Variants in CAMK4 observed in about 807,000 individuals in gnomAD.
CAMK4 encodes the protein calcium/calmodulin dependent protein kinase IV, also known as calcium/calmodulin-dependent protein kinase type IV.
Under a neutral mutation model 44.9 loss-of-function variants are expected in CAMK4, and 22 were observed. The ratio of observed to expected loss-of-function variants is 0.49; its 90% CI spans 0.35 to 0.70. The LOEUF (loss-of-function observed/expected upper bound fraction) is 0.70. Ranked by LOEUF, CAMK4 falls within the 30% of genes least tolerant of loss-of-function variation. The probability of loss-of-function intolerance (pLI) is 0.01; values close to 1 mark genes in which losing one functional copy is unlikely to be tolerated. For synonymous variants in CAMK4, 218 were observed against 215.4 expected (o/e 1.01, Z -0.11); for missense variants, 498 against 586.8 (o/e 0.85, Z 1.56).
At chr5:111,244,323 A>G (rs1337851083) in intron 1 of CAMK4, among the ~76,000 whole-genome samples, 1 of 152,206 alleles carries the variant, frequency 6.6e-6, no homozygotes. Context: ...AAAAATTATT[A>G]AACATTGCAG....
At chr5:111,407,895 G>T (rs1752495189) in intron 5 of CAMK4, among the ~76,000 whole-genome samples, 1 of 152,168 alleles carries the variant, frequency 6.6e-6, no homozygotes, top group South Asian at 2.1e-4. Flanking sequence ...GGAGGCTGAG[G>T]TGGGCAGATC....
At chr5:111,249,742 T>G (rs984032909) in intron 1 of CAMK4, among the ~76,000 whole-genome samples, 1 of 151,350 alleles carries the variant, frequency 6.6e-6, no homozygotes, top group Non-Finnish European at 1.5e-5. Flanking sequence ...TACATTTTAT[T>G]TTAGGGCTAT....
intron 2 of CAMK4, among the ~76,000 whole-genome samples, chr5:111,357,810 T>G (rs1039575943): frequency 6.6e-6 from 1 of 152,094 alleles, no homozygotes; most frequent in Non-Finnish European, 1.5e-5. Context: ...TTAAACACTA[T>G]GTAATGTAGT....
At chr5:111,330,573 A>G (rs1014292037) in intron 1 of CAMK4, among the ~76,000 whole-genome samples, 2 of 151,668 alleles carry the variant, frequency 1.3e-5, no homozygotes. Flanking sequence ...AATAACCAGA[A>G]TACCCCAAGT....
At chr5:111,384,582 C>G (rs1281856731) in intron 4 of CAMK4, among the ~76,000 whole-genome samples, 2 of 152,152 alleles carry the variant, frequency 1.3e-5, no homozygotes, top group Non-Finnish European at 2.9e-5. Context: ...CTCTCTCAAT[C>G]TCACTCCCCT....
intron 1 of CAMK4, among the ~76,000 whole-genome samples, chr5:111,264,850 T>C (rs1434151503): frequency 6.6e-6 from 1 of 152,122 alleles, no homozygotes; most frequent in Non-Finnish European, 1.5e-5. Context: ...TCTGATGTTG[T>C]TTGCTTGATG....
intron 7 of CAMK4, among the ~76,000 whole-genome samples, chr5:111,452,063 G>A (rs1754257637): frequency 6.6e-6 from 1 of 152,234 alleles, no homozygotes; most frequent in Non-Finnish European, 1.5e-5. Flanking sequence ...AATTCTGGAT[G>A]GAGAGTTCTT....
intron 2 of CAMK4, among the ~76,000 whole-genome samples, chr5:111,349,843 T>C (rs1750018874): frequency 6.6e-6 from 1 of 151,980 alleles, no homozygotes; most frequent in African/African-American, 2.4e-5. Context: ...TGGAAACAGA[T>C]ATTTGAACTT....
chr5:111,451,186 G>A (rs1318188972), intron 7 of CAMK4, among the ~76,000 whole-genome samples: 1 of 151,764 alleles, frequency 6.6e-6, no homozygotes, highest in Non-Finnish European at 1.5e-5. Flanking sequence ...TAGTGGCTCA[G>A]GAATAAGAAT....
In CAMK4 at chr5:111,246,501, C is replaced by G. The variant is rs983364843; in HGVS notation, c.161+21857C>G. Among the ~76,000 whole-genome samples, 11 of 152,262 alleles carry G rather than the reference C, an allele frequency of 7.2e-5. 1 individual carries two copies. Among genetic ancestry groups the G allele is most frequent in the East Asian group, 3.9e-4 (2 of 5,186 alleles). On this transcript the variant is annotated intron_variant, in intron 1 of 10. Transcript: ENST00000282356. ...ACTTTTTCAGGTTTTACATGCAGTT[C>G]GACTTGGTACAGATTTATTTCTCTG... is the stretch of plus-strand genomic sequence containing the variant.
chr5:111,241,755 A>G (rs1749002800), intron 1 of CAMK4, among the ~76,000 whole-genome samples: 1 of 152,228 alleles, frequency 6.6e-6, no homozygotes. Context: ...TTGTGAAAAT[A>G]TACTACTGCC....
chr5:111,484,563 T>A lies in CAMK4; in HGVS notation c.*97T>A. The A allele has an allele frequency of 1.3e-6, 1 of 774,882 alleles. No individual in the cohort carries two copies. Among genetic ancestry groups the A allele is most frequent in the Non-Finnish European group, 1.9e-6 (1 of 536,170 alleles). The allele number at this position is 774,882 out of a possible 1,614,324, so 48.0% of individuals were successfully genotyped here. On this transcript the variant is annotated 3_prime_UTR_variant, in exon 11 of 11. Transcript: ENST00000282356. The surrounding 1 kb of genome is among the most constrained non-coding windows in gnomAD (Gnocchi z 5.3). ...GAAGCATGATATGTACTATAGTGAT[T>A]CTGTTTTTGAGGTGCAAAAAACATA...
chr5:111,243,041 C>A (rs1478467150), intron 1 of CAMK4, among the ~76,000 whole-genome samples: 1 of 152,092 alleles, frequency 6.6e-6, no homozygotes, highest in African/African-American at 2.4e-5. Context: ...TTTTTAGTTC[C>A]CATGTACCTC....
At chr5:111,269,155 G>A (rs4957938) in intron 1 of CAMK4, among the ~76,000 whole-genome samples, 40,102 of 151,950 alleles carry the variant, frequency 0.26, 6,255 homozygotes, top group African/African-American at 0.44. Flanking sequence ...CATCATGTAC[G>A]TATTTGCCAA....
chr5:111,328,762 T>C (rs1212314385), intron 1 of CAMK4, among the ~76,000 whole-genome samples: 22 of 152,066 alleles, frequency 1.4e-4, no homozygotes, highest in Admixed American at 1.4e-3. Flanking sequence ...TATTTTATTC[T>C]CCTTGAAGCA....
chr5:111,407,323 C>G (rs567653141), intron 5 of CAMK4, among the ~76,000 whole-genome samples: 1 of 149,972 alleles, frequency 6.7e-6, no homozygotes, highest in African/African-American at 2.5e-5. Flanking sequence ...TGCACTCTAG[C>G]CTGGGTGACA....
intron 2 of CAMK4, among the ~76,000 whole-genome samples, chr5:111,354,386 A>G (rs1382634658): frequency 6.6e-6 from 1 of 151,990 alleles, no homozygotes; most frequent in Non-Finnish European, 1.5e-5. Context: ...AGTATAATTA[A>G]TAACACTGTG....
chr5:111,267,621 G>A (rs1750311458), intron 1 of CAMK4, among the ~76,000 whole-genome samples: 3 of 150,188 alleles, frequency 2.0e-5, no homozygotes, highest in Admixed American at 2.0e-4. Context: ...GGAGAATGGC[G>A]TGAACCCGGA....
intron 4 of CAMK4, among the ~76,000 whole-genome samples, chr5:111,384,263 ATAT>A (rs1751518538): frequency 1.3e-5 from 2 of 152,132 alleles, no homozygotes; most frequent in Non-Finnish European, 2.9e-5. Context: ...GTAGCATTAT[ATAT>A]TACTGGCTTA....
Sources: allele counts gnomAD v4.1 joint callset (sites outside exome capture counted in the v4.1 genomes callset), GRCh38; gene constraint gnomAD v4.1.1; non-coding constraint Gnocchi (gnomAD v3.1); transcripts MANE v1.5; gene names NCBI Gene and HGNC (gene_info 2026-07-23, HGNC 2026-07-21).